WDR70: variants seen among roughly 807,000 people sequenced by gnomAD.
WDR70 encodes the protein WD repeat domain 70, also known as WD repeat-containing protein 70.
A neutral mutation model predicts 88.6 loss-of-function variants in WDR70; 53 were observed. That is an observed-to-expected ratio of 0.60 (90% confidence interval 0.48 to 0.75). The LOEUF is 0.75. Among genes scored for constraint, WDR70 ranks in the 30% least tolerant of loss-of-function variants. The pLI is 0.00. For missense variants in WDR70, 610 were observed against 823.2 expected, an observed-to-expected ratio of 0.74 and a Z score of 3.17; for synonymous variants, 280 against 270.0, an observed-to-expected ratio of 1.04 and a Z score of -0.36.
At chr5:37,420,596 T>C (rs1373715833) in intron 5 of WDR70, among the ~76,000 whole-genome samples, 1 of 152,152 alleles carries the variant, frequency 6.6e-6, no homozygotes. Context: ...CATGCCACCA[T>C]GCCCAGCTAT....
chr5:37,393,431 G>T (rs559860533), intron 4 of WDR70, among the ~76,000 whole-genome samples: 10 of 151,998 alleles, frequency 6.6e-5, no homozygotes, highest in African/African-American at 2.4e-4. Flanking sequence ...TTTATTCTTT[G>T]CCTAGTTCCT....
At position 37,548,715 on chromosome 5, in the gene WDR70, C is replaced by T. The variant is rs1156485885; in HGVS notation, c.917+32125C>T. 2.0e-5 allele frequency among the ~76,000 whole-genome samples: 3 copies of T among 152,110 alleles called. No individual in the cohort carries two copies. The East Asian group carries it at 5.8e-4, about 29-fold the overall frequency. On this transcript the variant is annotated intron_variant, in intron 9 of 17. Transcript: ENST00000265107. ...TGGGGTATTACTCAAGAAATCTTTGCCCAGACCGATGTCCTGGAGAGTTTC... is the reference window on the plus strand; with the variant it reads ...TGGGGTATTACTCAAGAAATCTTTGTCCAGACCGATGTCCTGGAGAGTTTC...
chr5:37,689,253 G>T (rs141475874), intron 10 of WDR70, among the ~76,000 whole-genome samples: 4,790 of 152,320 alleles, frequency 0.031, 100 homozygotes, highest in Middle Eastern at 0.11. Context: ...ACCTCTGTGG[G>T]CAGGGCATAG....
intron 10 of WDR70, among the ~76,000 whole-genome samples, chr5:37,696,460 C>T (rs922957966): frequency 6.6e-6 from 1 of 152,144 alleles, no homozygotes; most frequent in African/African-American, 2.4e-5. Flanking sequence ...TGTTTTGTGA[C>T]TCATTCTTCA....
chr5:37,691,502 A>G (rs547285463), intron 10 of WDR70, among the ~76,000 whole-genome samples: 117 of 152,258 alleles, frequency 7.7e-4, no homozygotes, highest in Non-Finnish European at 1.5e-3. Context: ...AGAAATCACA[A>G]CAAACTGTCT....
At chr5:37,447,201 T>G (rs892071194) in intron 7 of WDR70, among the ~76,000 whole-genome samples, 3 of 152,208 alleles carry the variant, frequency 2.0e-5, no homozygotes, top group Non-Finnish European at 4.4e-5. Context: ...TCATCATCAT[T>G]GGCCATTAGA....
At chr5:37,683,852 G>A (rs1330212770) in intron 10 of WDR70, among the ~76,000 whole-genome samples, 2 of 152,060 alleles carry the variant, frequency 1.3e-5, no homozygotes, top group African/African-American at 2.4e-5. Context: ...ATCTTACTGG[G>A]GGTCTCTGCA....
chr5:37,549,465 G>A (rs1236624353), intron 9 of WDR70, among the ~76,000 whole-genome samples: 4 of 152,032 alleles, frequency 2.6e-5, no homozygotes, highest in African/African-American at 4.8e-5. Flanking sequence ...AAATGCTACT[G>A]ATTTTTTTAT....
intron 7 of WDR70, among the ~76,000 whole-genome samples, chr5:37,461,205 T>C (rs1738993692): frequency 6.6e-6 from 1 of 151,500 alleles, no homozygotes; most frequent in Non-Finnish European, 1.5e-5. Context: ...AAGCTTCAAA[T>C]ATTTATCTGG....
chr5:37,523,740 T>C (rs1005050927), intron 9 of WDR70, among the ~76,000 whole-genome samples: 2 of 152,146 alleles, frequency 1.3e-5, no homozygotes, highest in Non-Finnish European at 2.9e-5. Flanking sequence ...GAAAAAAGAT[T>C]AGACGAATGG....
At chr5:37,543,850 C>A (rs1741906513) in intron 9 of WDR70, among the ~76,000 whole-genome samples, 1 of 152,188 alleles carries the variant, frequency 6.6e-6, no homozygotes, top group Non-Finnish European at 1.5e-5. Context: ...CTCACTACAA[C>A]CTCCGCCTCC....
intron 9 of WDR70, among the ~76,000 whole-genome samples, chr5:37,585,830 G>C (rs960793336): frequency 2.0e-5 from 3 of 152,106 alleles, no homozygotes; most frequent in African/African-American, 7.2e-5. Context: ...AGTGTTATCT[G>C]TTGCCTTTCC....
intron 6 of WDR70, among the ~76,000 whole-genome samples, 154 bp downstream of exon 6, chr5:37,438,135 T>G (rs1581277730): frequency 6.6e-6 from 1 of 152,322 alleles, no homozygotes; most frequent in South Asian, 2.1e-4. Context: ...ACTTTTATGT[T>G]CAGTCAAAAT....
chr5:37,665,344 C>G (rs1236359655), intron 10 of WDR70, among the ~76,000 whole-genome samples: 3 of 152,180 alleles, frequency 2.0e-5, no homozygotes, highest in South Asian at 2.1e-4. Context: ...CTCTGCATCC[C>G]CTTTGTACCT....
chr5:37,468,677 A>G (rs1176151253), intron 7 of WDR70, among the ~76,000 whole-genome samples: 1 of 152,226 alleles, frequency 6.6e-6, no homozygotes, highest in Non-Finnish European at 1.5e-5. Flanking sequence ...ACTATGCAAT[A>G]GGACACCAGA....
chr5:37,384,251 G>C (rs1346393864), intron 3 of WDR70, among the ~76,000 whole-genome samples: 1 of 143,656 alleles, frequency 7.0e-6, no homozygotes, highest in Non-Finnish European at 1.5e-5. Flanking sequence ...GCATGACCTT[G>C]CCTCACTGCA....
intron 10 of WDR70, among the ~76,000 whole-genome samples, chr5:37,677,527 C>T (rs1382156827): frequency 6.6e-6 from 1 of 152,138 alleles, no homozygotes; most frequent in Non-Finnish European, 1.5e-5. Flanking sequence ...TGTTCAGTTT[C>T]CATGTAGTTG....
rs1158611858 is a variant in WDR70 at position 37,455,507 on chromosome 5, G to A, written c.686+12135G>A. ...TCCTCCTGCCTTGGCCTCCCAAAGT[G>A]TTGAGATTACAGGCGTGAGCCATTG... is the stretch of plus-strand genomic sequence containing the variant. On this transcript the variant is annotated intron_variant, in intron 7 of 17. Transcript: ENST00000265107. Among the ~76,000 whole-genome samples the A allele has an allele frequency of 2.6e-5, 4 of 151,960 alleles. No individual in the cohort carries two copies. The East Asian group carries it at 7.7e-4, about 29-fold the overall frequency.
chr5:37,519,078 G>A (rs1740989345), intron 9 of WDR70, among the ~76,000 whole-genome samples: 1 of 152,198 alleles, frequency 6.6e-6, no homozygotes, highest in Admixed American at 6.5e-5. Flanking sequence ...AGTCTCCTAT[G>A]TCTACTTCTT....
Sources: allele counts gnomAD v4.1 joint callset (sites outside exome capture counted in the v4.1 genomes callset), GRCh38; gene constraint gnomAD v4.1.1; transcripts MANE v1.5; gene names NCBI Gene and HGNC (gene_info 2026-07-23, HGNC 2026-07-21).